The following ZNF423 variants were observed in gnomAD, a reference collection of about 807,000 sequenced individuals.
ZNF423 encodes the protein Ebf-associated zinc finger protein.
ZNF423 carries 12 observed loss-of-function variants against 95.8 expected under a neutral mutation model. The observed-to-expected ratio is 0.13, with a 90% CI of 0.08 to 0.20. The LOEUF is 0.20. ZNF423 is among the 10% of genes least tolerant of loss of function. ZNF423 has a pLI of 1.00. For missense variants in ZNF423, 1,316 were observed against 1,737.1 expected (o/e 0.76, Z 4.31); for synonymous variants, 749 against 711.9 (o/e 1.05, Z -0.83).
rs998598959 is a variant in ZNF423, at chr16:49,755,452, G to C, written c.101-24481C>G. ...TTTCTGCTCTCTGAGGACACCTATC[G>C]AGGGTAAGCCAGGCTCTTCATCATA... On this transcript the variant is annotated intron_variant, in intron 2 of 7. Transcript: ENST00000563137. Among the ~76,000 whole-genome samples, 6 of 152,270 alleles carry C rather than the reference G, an allele frequency of 3.9e-5. No homozygotes were observed. The East Asian group carries it at 1.2e-3, about 29-fold the overall frequency.
At chr16:49,771,192 C>CTTTTTTTTTTTTTTTTTTTTTTTTTTT in intron 2 of ZNF423, among the ~76,000 whole-genome samples, 1 of 89,436 alleles carries the variant, frequency 1.1e-5, no homozygotes, top group Non-Finnish European at 2.0e-5. Context: ...TTTTTTTTTT[C>CTTTTTTTTTTTTTTTTTTTTTTTTTTT]TTTTTTTTTT....
intron 2 of ZNF423, among the ~76,000 whole-genome samples, chr16:49,743,170 G>T (rs902893476): frequency 1.3e-5 from 2 of 152,140 alleles, no homozygotes; most frequent in African/African-American, 4.8e-5. Context: ...GGGTCCCGCA[G>T]CAGCACTTTG....
At chr16:49,634,204 CTTTT>C (rs528621494) in intron 4 of ZNF423, among the ~76,000 whole-genome samples, 5 of 114,230 alleles carry the variant, frequency 4.4e-5, no homozygotes, top group Admixed American at 9.3e-5. Flanking sequence ...CCACACCTGG[CTTTT>C]TTTTTTTTTT....
chr16:49,546,448 T>C (rs1334477441), intron 5 of ZNF423, among the ~76,000 whole-genome samples: 1 of 152,324 alleles, frequency 6.6e-6, no homozygotes, highest in Non-Finnish European at 1.5e-5. Context: ...GAGGTAGGAT[T>C]TGATAACTCA....
chr16:49,752,811 G>A (rs2033656722), intron 2 of ZNF423, among the ~76,000 whole-genome samples: 1 of 152,206 alleles, frequency 6.6e-6, no homozygotes, highest in South Asian at 2.1e-4. Context: ...GTAACAGAGA[G>A]GGTAGCATGA....
At chr16:49,702,921 A>ACG (rs1355954880) in intron 3 of ZNF423, among the ~76,000 whole-genome samples, 7 of 134,120 alleles carry the variant, frequency 5.2e-5, no homozygotes, top group Admixed American at 2.2e-4. Flanking sequence ...ACACACACAC[A>ACG]CACACACACA....
intron 5 of ZNF423, among the ~76,000 whole-genome samples, chr16:49,619,993 G>A (rs1012732810): frequency 6.6e-6 from 1 of 152,100 alleles, no homozygotes; most frequent in African/African-American, 2.4e-5. Context: ...CACGGGGCCA[G>A]GGTCCAAATG....
At chr16:49,610,341 C>T (rs1971682172) in intron 5 of ZNF423, among the ~76,000 whole-genome samples, 1 of 152,128 alleles carries the variant, frequency 6.6e-6, no homozygotes, top group Non-Finnish European at 1.5e-5. Context: ...AATGTTAACA[C>T]TGTCTGATGT....
intron 3 of ZNF423, among the ~76,000 whole-genome samples, chr16:49,666,159 TC>T (rs759226212): frequency 8.5e-5 from 13 of 152,216 alleles, no homozygotes; most frequent in Non-Finnish European, 1.5e-4. Context: ...CCCAGCTTCG[TC>T]CCTTTGAAAG....
intron 7 of ZNF423, among the ~76,000 whole-genome samples, chr16:49,519,934 C>T (rs868744236): frequency 2.0e-4 from 30 of 152,302 alleles, no homozygotes; most frequent in Middle Eastern, 3.4e-3. Context: ...GCACTCACGG[C>T]TCTCTTCCAC....
At chr16:49,820,503 AC>A (rs2034925029) in intron 1 of ZNF423, among the ~76,000 whole-genome samples, 1 of 152,234 alleles carries the variant, frequency 6.6e-6, no homozygotes, top group South Asian at 2.1e-4. Flanking sequence ...CAACTAAGTA[AC>A]CCAAATAAAT....
chr16:49,563,184 G>A (rs1277401320), intron 5 of ZNF423, among the ~76,000 whole-genome samples: 2 of 152,162 alleles, frequency 1.3e-5, no homozygotes. Context: ...TTGGGAGCTG[G>A]GATCCAGTGG....
intron 1 of ZNF423, among the ~76,000 whole-genome samples, chr16:49,828,483 G>T (rs185954992): frequency 1.5e-4 from 23 of 152,222 alleles, no homozygotes; most frequent in Admixed American, 2.6e-4. Flanking sequence ...TACTCACACC[G>T]ACACTTCCCA....
At chr16:49,856,882 G>T (rs2035376867), upstream of ZNF423, among the ~76,000 whole-genome samples, 1 of 146,360 alleles carries the variant, frequency 6.8e-6, no homozygotes, top group African/African-American at 2.5e-5. Flanking sequence ...AGAGGGGGGA[G>T]GCGGCGGCCG....
chr16:49,739,928 G>A (rs552780302), intron 2 of ZNF423, among the ~76,000 whole-genome samples: 2 of 151,734 alleles, frequency 1.3e-5, no homozygotes, highest in African/African-American at 4.8e-5. Context: ...GCACAATCTC[G>A]GCTCACTGCA....
At chr16:49,799,466 C>G (rs1189598040) in intron 1 of ZNF423, among the ~76,000 whole-genome samples, 1 of 144,122 alleles carries the variant, frequency 6.9e-6, no homozygotes, top group African/African-American at 2.5e-5. Flanking sequence ...GCCTCAGCAT[C>G]ACTGCTTTCC....
intron 1 of ZNF423, among the ~76,000 whole-genome samples, chr16:49,811,084 G>A (rs983994196): frequency 3.3e-5 from 5 of 152,244 alleles, no homozygotes; most frequent in African/African-American, 1.2e-4. Flanking sequence ...CTGTCACAGA[G>A]AAGACAGACT....
intron 5 of ZNF423, among the ~76,000 whole-genome samples, chr16:49,591,553 C>G (rs776144143): frequency 6.6e-6 from 1 of 152,152 alleles, no homozygotes; most frequent in Non-Finnish European, 1.5e-5. Context: ...TATAACTCCA[C>G]TGGAAGCCAA....
chr16:49,643,681 TA>T (rs942870222), intron 3 of ZNF423, among the ~76,000 whole-genome samples: 2 of 150,326 alleles, frequency 1.3e-5, no homozygotes, highest in African/African-American at 4.9e-5. Flanking sequence ...AAAAATGAGT[TA>T]AAAAAACACA....
Sources: gnomAD v4.1 joint callset for allele counts (sites outside exome capture counted in the v4.1 genomes callset) on GRCh38, gnomAD v4.1.1 for gene constraint, MANE v1.5 for transcripts, NCBI Gene and HGNC (gene_info 2026-07-23, HGNC 2026-07-21) for gene names.